Variants in MINDY4 observed in about 807,000 individuals in gnomAD.
The protein encoded by MINDY4 is MINDY lysine 48 deubiquitinase 4.
In MINDY4, 68 loss-of-function variants were observed where a neutral mutation model predicts 87.0. The ratio of observed to expected loss-of-function variants is 0.78; its 90% CI spans 0.64 to 0.96. MINDY4 has a LOEUF of 0.96. MINDY4 is among the 40% of genes least tolerant of loss of function. MINDY4 has a pLI of 0.00. For synonymous variants in MINDY4, 379 were observed against 363.2 expected (o/e 1.04, Z -0.50); for missense variants, 919 against 928.2 (o/e 0.99, Z 0.13).
intron 5 of MINDY4, chr7:30,796,672 C>G (rs1197765712): frequency 6.6e-6 from 1 of 152,130 alleles, no homozygotes; most frequent in South Asian, 2.1e-4. Flanking sequence ...AAATGACTCA[C>G]TTGAGCTTTT....
At chr7:30,783,510 CCTA>C (rs1787065801) in intron 3 of MINDY4, among the ~76,000 whole-genome samples, 2 of 152,136 alleles carry the variant, frequency 1.3e-5, no homozygotes, top group African/African-American at 2.4e-5. Context: ...TTATTTATAT[CCTA>C]CTGCTCAAGG....
intron 17 of MINDY4, 113 bp downstream of exon 17, chr7:30,883,106 T>G (rs1790522115): frequency 4.1e-6 from 4 of 973,770 alleles, no homozygotes; most frequent in Non-Finnish European, 6.3e-6. Context: ...CCACCCTGAT[T>G]CAAAGAGGTG....
intron 13 of MINDY4, among the ~76,000 whole-genome samples, chr7:30,869,760 T>C (rs776827202): frequency 9.2e-5 from 14 of 152,166 alleles, no homozygotes; most frequent in Non-Finnish European, 1.3e-4. Flanking sequence ...CTTCAACATA[T>C]GAATTTTAAG....
chr7:30,805,280 G>T (rs1198711109), intron 5 of MINDY4, among the ~76,000 whole-genome samples: 5 of 152,184 alleles, frequency 3.3e-5, no homozygotes, highest in African/African-American at 1.2e-4. Flanking sequence ...GGAAGGGGAG[G>T]TTGGGCAGGC....
intron 14 of MINDY4, among the ~76,000 whole-genome samples, chr7:30,874,101 G>T (rs746741808): frequency 6.6e-6 from 1 of 152,234 alleles, no homozygotes; most frequent in Non-Finnish European, 1.5e-5. Flanking sequence ...CACTGGTCAA[G>T]GGCCGTTCTG....
chr7:30,871,210 C>T (rs369620192), intron 13 of MINDY4, among the ~76,000 whole-genome samples: 29 of 152,344 alleles, frequency 1.9e-4, no homozygotes, highest in African/African-American at 7.0e-4. Context: ...CGTTGCCCCC[C>T]AGAGCCAGCT....
At chr7:30,825,745 A>T (rs1263008107) in intron 5 of MINDY4, among the ~76,000 whole-genome samples, 1 of 152,258 alleles carries the variant, frequency 6.6e-6, no homozygotes, top group Non-Finnish European at 1.5e-5. Flanking sequence ...GATCCAGAGG[A>T]GACCAAGAGA....
intron 3 of MINDY4, among the ~76,000 whole-genome samples, chr7:30,784,525 A>G (rs1049998355): frequency 3.9e-5 from 6 of 152,174 alleles, no homozygotes; most frequent in Non-Finnish European, 8.8e-5. Flanking sequence ...CTTTCCACGA[A>G]AAGAGTCTGG....
chr7:30,872,379 C>T, intron 14 of MINDY4, 73 bp downstream of exon 14: 1 of 1,377,218 alleles, frequency 7.3e-7, no homozygotes, highest in East Asian at 2.4e-5. Flanking sequence ...GGTCCTCCTC[C>T]CTCCTCTTGC....
chr7:30,820,795 C>T (rs767251741), intron 5 of MINDY4, among the ~76,000 whole-genome samples: 5 of 152,252 alleles, frequency 3.3e-5, no homozygotes, highest in Admixed American at 6.5e-5. Flanking sequence ...ATAGTGCTGC[C>T]GTGAACATTT....
chr7:30,864,918 G>A (rs1470861595), intron 13 of MINDY4, among the ~76,000 whole-genome samples: 1 of 152,212 alleles, frequency 6.6e-6, no homozygotes, highest in Non-Finnish European at 1.5e-5. Flanking sequence ...AGACCCTCTG[G>A]GGGGAATCAC....
chr7:30,861,725 C>A (rs1332938293), intron 13 of MINDY4, among the ~76,000 whole-genome samples: 1 of 152,248 alleles, frequency 6.6e-6, no homozygotes, highest in African/African-American at 2.4e-5. Flanking sequence ...GCTGGTCCAA[C>A]CGTATCCCAG....
At chr7:30,773,448 C>T (rs143750152) in intron 1 of MINDY4, among the ~76,000 whole-genome samples, 2 of 152,168 alleles carry the variant, frequency 1.3e-5, no homozygotes, top group African/African-American at 4.8e-5. Flanking sequence ...CAAGTCTCTC[C>T]ATTACTTGGC....
At chr7:30,878,142 C>G (rs981675021) in intron 15 of MINDY4, among the ~76,000 whole-genome samples, 2 of 152,060 alleles carry the variant, frequency 1.3e-5, no homozygotes, top group Non-Finnish European at 1.5e-5. Context: ...TGGCCTGGCC[C>G]TCTCCTCAGG....
At chr7:30,847,376 G>A (rs1789253493) in intron 9 of MINDY4, among the ~76,000 whole-genome samples, 2 of 152,192 alleles carry the variant, frequency 1.3e-5, no homozygotes, top group African/African-American at 4.8e-5. Flanking sequence ...AGGATGAGGG[G>A]ACAGGCCCTG....
intron 13 of MINDY4, among the ~76,000 whole-genome samples, chr7:30,865,309 C>T (rs1789899790): frequency 6.6e-6 from 1 of 152,234 alleles, no homozygotes. Flanking sequence ...GGAACTTCCT[C>T]AATAAACTCC....
chr7:30,774,402 C>T (rs1183913172), intron 1 of MINDY4, among the ~76,000 whole-genome samples: 1 of 152,180 alleles, frequency 6.6e-6, no homozygotes, highest in Non-Finnish European at 1.5e-5. Flanking sequence ...GTCGCTGTCT[C>T]CTGCACCATG....
intron 5 of MINDY4, among the ~76,000 whole-genome samples, chr7:30,824,988 G>GA (rs34190581): frequency 3.3e-5 from 5 of 151,912 alleles, no homozygotes; most frequent in African/African-American, 9.7e-5. Flanking sequence ...TCTCTGGGGG[G>GA]CATGAGAGGA....
intron 17 of MINDY4, 110 bp from the exon 18 acceptor site, chr7:30,891,847 A>G (rs894810693): frequency 9.1e-7 from 1 of 1,097,946 alleles, no homozygotes. Flanking sequence ...AAACCGAACT[A>G]TTCAAAGCCT....
Sources: gnomAD v4.1 joint callset for allele counts (sites outside exome capture counted in the v4.1 genomes callset) on GRCh38, gnomAD v4.1.1 for gene constraint, MANE v1.5 for transcripts, NCBI Gene and HGNC (gene_info 2026-07-23, HGNC 2026-07-21) for gene names.